The following SEC11C variants were observed in gnomAD, a reference collection of about 807,000 sequenced individuals.
The protein encoded by SEC11C is signal peptidase complex catalytic subunit SEC11C.
SEC11C carries 10 observed loss-of-function variants against 21.9 expected under a neutral mutation model. The ratio of observed to expected loss-of-function variants is 0.46; its 90% CI spans 0.28 to 0.77. SEC11C has a LOEUF of 0.77. Ranked by LOEUF, SEC11C falls within the 30% of genes least tolerant of loss-of-function variation. SEC11C has a pLI of 0.12. For missense variants in SEC11C, 145 were observed against 244.5 expected (o/e 0.59, Z 2.71); for synonymous variants, 83 against 85.6 (o/e 0.97, Z 0.17).
chr18:59,143,498 T>G (rs2069235542), intron 1 of SEC11C, among the ~76,000 whole-genome samples: 1 of 152,204 alleles, frequency 6.6e-6, no homozygotes, highest in Non-Finnish European at 1.5e-5. Flanking sequence ...CATTATTGCC[T>G]CAAATTACCT....
intron 2 of SEC11C, among the ~76,000 whole-genome samples, chr18:59,151,910 T>G (rs1266598570): frequency 6.6e-6 from 1 of 152,254 alleles, no homozygotes; most frequent in Non-Finnish European, 1.5e-5. Context: ...GGCACAGGTT[T>G]AAATCGGTAT....
Position 59,152,551 on chromosome 18 carries a change from G to A in SEC11C, c.213G>A (p.Pro71=), listed in dbSNP as rs763235677. ...TTCTTTCCAGTGGCAGTATGGAGCC[G>A]GCCTTTCACAGAGGAGACCTCCTGT... ...IVVVLSGSME[P]AFHRGDLLFL... is the part of the protein sequence containing the mutation. The change falls in exon 3 of 6, where the codon CCG becomes CCA. Residue 71 remains proline, a synonymous_variant. Transcript: ENST00000587834. The A allele has an allele frequency of 8.1e-6, 13 of 1,604,736 alleles. No individual in the cohort carries two copies. Among genetic ancestry groups the A allele is most frequent in the Middle Eastern group, 1.7e-4 (1 of 6,018 alleles).
intron 2 of SEC11C, among the ~76,000 whole-genome samples, chr18:59,150,058 T>C (rs2069329978): frequency 6.6e-6 from 1 of 152,214 alleles, no homozygotes; most frequent in African/African-American, 2.4e-5. Context: ...ACTCGTGTAT[T>C]GATGGCTACT....
intron 1 of SEC11C, among the ~76,000 whole-genome samples, chr18:59,144,764 A>G (rs1425606675): frequency 6.6e-6 from 1 of 151,850 alleles, no homozygotes; most frequent in Non-Finnish European, 1.5e-5. Flanking sequence ...CTAGAAACAA[A>G]AAAAAAGGAA....
intron 3 of SEC11C, chr18:59,152,938 G>A: frequency 3.4e-6 from 1 of 292,878 alleles, no homozygotes; most frequent in East Asian, 6.0e-5. Flanking sequence ...TTAAATTGCT[G>A]CACAAATATA....
intron 1 of SEC11C, among the ~76,000 whole-genome samples, chr18:59,146,200 G>T (rs1365105537): frequency 6.6e-6 from 1 of 152,190 alleles, no homozygotes; most frequent in African/African-American, 2.4e-5. Context: ...ACAAACTCCA[G>T]ACGTGTTTGG....
chr18:59,139,959 C>G lies in SEC11C; in HGVS notation c.11C>G (p.Ala4Gly), dbSNP rs747493408. 6.3e-7 allele frequency: 1 copy of G among 1,586,292 alleles called. No homozygotes were observed. Among genetic ancestry groups the G allele is most frequent in the Non-Finnish European group, 8.6e-7 (1 of 1,164,816 alleles). The change falls in exon 1 of 6, where the codon GCG becomes GGG. Residue 4 changes from alanine (A) to glycine (G), a missense_variant. Coordinates refer to ENST00000587834, the MANE Select transcript of SEC11C (RefSeq NM_033280.4). ...CCCGGAGACCCTGCTATGGTGCGTG[C>G]GGGCGCCGTGGGGGCTCATCTCCCC... MVR[A>G]GAVGAHLPAS...
intron 3 of SEC11C, among the ~76,000 whole-genome samples, chr18:59,153,913 G>T (rs2069389007): frequency 1.3e-5 from 2 of 152,034 alleles, no homozygotes; most frequent in African/African-American, 2.4e-5. Flanking sequence ...CACCATGTTG[G>T]CCAGGCTGAT....
chr18:59,144,756 A>G lies in SEC11C; in HGVS notation c.87+4721A>G, dbSNP rs572525155. On this transcript the variant is annotated intron_variant, in intron 1 of 5. Transcript: ENST00000587834. ...AAAAAAAAAAAAAAAAAAAGTTGCTAGAAACAAAAAAAAAGGAAGGGGTTG... is the reference window on the plus strand; with the variant it reads ...AAAAAAAAAAAAAAAAAAAGTTGCTGGAAACAAAAAAAAAGGAAGGGGTTG... 1.9e-3 allele frequency among the ~76,000 whole-genome samples: 278 copies of G among 148,268 alleles called. 1 individual carries two copies. The highest frequency in any genetic ancestry group is 3.2e-3 in the Non-Finnish European group (214 of 67,176).
In SEC11C at chr18:59,149,582, G is replaced by A; in HGVS notation, c.157G>A (p.Val53Met). The A allele has an allele frequency of 1.9e-6, 3 of 1,612,944 alleles. No homozygotes were observed. The highest frequency in any genetic ancestry group is 1.1e-5 in the South Asian group (1 of 91,008). Residue 53 changes from valine (V) to methionine (M), a missense_variant, in exon 2 of 6, where the codon GTG (valine) becomes ATG (methionine). Transcript: ENST00000587834. ...SALMIWKGLI[V>M]LTGSESPIVV... is the part of the protein sequence containing the mutation. ...ACTCATGATATGGAAAGGCTTGATC[G>A]TGCTCACAGGCAGTGAGAGCCCCAT...
intron 3 of SEC11C, among the ~76,000 whole-genome samples, chr18:59,153,775 C>G (rs1385305051): frequency 6.6e-6 from 1 of 150,692 alleles, no homozygotes; most frequent in Non-Finnish European, 1.5e-5. Flanking sequence ...GGCATGATCT[C>G]AGCTCACTGC....
intron 1 of SEC11C, among the ~76,000 whole-genome samples, chr18:59,144,416 T>C (rs11152127): frequency 0.45 from 68,922 of 152,022 alleles, 16,254 homozygotes; most frequent in East Asian, 0.63. Context: ...ACAACAACAA[T>C]AAAAAAACCA....
intron 2 of SEC11C, among the ~76,000 whole-genome samples, chr18:59,151,724 G>A (rs1261930633): frequency 6.6e-6 from 1 of 152,032 alleles, no homozygotes; most frequent in Non-Finnish European, 1.5e-5. Context: ...TTCTCCTCAG[G>A]TTCTTCCTGC....
intron 2 of SEC11C, among the ~76,000 whole-genome samples, chr18:59,150,488 G>A (rs752057729): frequency 2.6e-5 from 4 of 152,220 alleles, no homozygotes; most frequent in Non-Finnish European, 5.9e-5. Context: ...TAGAGATCGC[G>A]TTTTCATGAA....
At position 59,149,496 on chromosome 18, in the gene SEC11C, CCT is replaced by C. The variant is rs1429353982; in HGVS notation, c.88-14_88-13del. 2 of 1,543,994 alleles carry C rather than the reference CCT, an allele frequency of 1.3e-6. No homozygotes were observed. Among genetic ancestry groups the C allele is most frequent in the Admixed American group, 1.7e-5 (1 of 59,616 alleles). On this transcript the variant is annotated splice_polypyrimidine_tract_variant and intron_variant, in intron 1 of 5. Transcript: ENST00000587834. Reference sequence around the variant, plus strand: ...CTGCTATTGGTTTTCATCGTGGTTTCCTCTTTTTCATTCCAGCTCTATTACCA... The same window carrying C: ...CTGCTATTGGTTTTCATCGTGGTTTCCTTTTTCATTCCAGCTCTATTACCA...
chr18:59,151,915 C>T (rs757051969), intron 2 of SEC11C, among the ~76,000 whole-genome samples: 8 of 152,214 alleles, frequency 5.3e-5, no homozygotes, highest in South Asian at 4.1e-4. Context: ...AGGTTTAAAT[C>T]GGTATCATGT....
In SEC11C at chr18:59,158,825, C is replaced by A; in HGVS notation, c.*140C>A. The A allele has an allele frequency of 1.4e-6, 1 of 701,938 alleles. No individual in the cohort carries two copies. The highest frequency in any genetic ancestry group is 2.4e-6 in the Non-Finnish European group (1 of 421,644). 43.5% of individuals were successfully genotyped at this position (701,938 alleles called of 1,614,324 possible). ...TTGTCTTGTCCAAATAAAAGATTCA[C>A]CAGTAAAGATGGTTTTCTTTTGTGG... On this transcript the variant is annotated 3_prime_UTR_variant, in exon 6 of 6. Transcript: ENST00000587834.
chr18:59,150,272 T>C (rs2069332455), intron 2 of SEC11C, among the ~76,000 whole-genome samples: 2 of 152,160 alleles, frequency 1.3e-5, no homozygotes, highest in African/African-American at 2.4e-5. Context: ...AATCTGTTGT[T>C]TTCAAGGTGG....
intron 4 of SEC11C, 144 bp downstream of exon 4, chr18:59,155,951 C>G (rs1399936625): frequency 1.1e-6 from 1 of 888,628 alleles, no homozygotes; most frequent in Non-Finnish European, 1.7e-6. Context: ...CCTGTGAAGA[C>G]TAAATACAAC....
Sources: allele counts gnomAD v4.1 joint callset (sites outside exome capture counted in the v4.1 genomes callset), GRCh38; gene constraint gnomAD v4.1.1; transcripts MANE v1.5; gene names NCBI Gene and HGNC (gene_info 2026-07-23, HGNC 2026-07-21).